TBC1D5: variants seen among roughly 807,000 people sequenced by gnomAD.
The protein encoded by TBC1D5 is TBC1 domain family member 5, also known as TBC1 domain family, member 5.
TBC1D5 carries 75 observed loss-of-function variants against 100.3 expected under a neutral mutation model. The ratio of observed to expected loss-of-function variants is 0.75; its 90% CI spans 0.62 to 0.91. TBC1D5 has a LOEUF of 0.91. TBC1D5 is among the 40% of genes least tolerant of loss of function. The pLI is 0.00. For synonymous variants in TBC1D5, 323 were observed against 325.6 expected (o/e 0.99, Z 0.09); for missense variants, 910 against 942.4 (o/e 0.97, Z 0.45).
At chr3:17,357,592 C>CA (rs200650922) in intron 13 of TBC1D5, among the ~76,000 whole-genome samples, 2,731 of 150,954 alleles carry the variant, frequency 0.018, 70 homozygotes, top group African/African-American at 0.059. Flanking sequence ...GACATCACTA[C>CA]AAAAAAAAAT....
At chr3:17,591,826 T>G (rs903626587) in intron 2 of TBC1D5, among the ~76,000 whole-genome samples, 1 of 152,146 alleles carries the variant, frequency 6.6e-6, no homozygotes, top group Non-Finnish European at 1.5e-5. Context: ...AAAAATAATA[T>G]TGAATCCTTG....
chr3:17,311,293 G>A (rs1181714254), intron 13 of TBC1D5, among the ~76,000 whole-genome samples: 1 of 151,914 alleles, frequency 6.6e-6, no homozygotes, highest in Non-Finnish European at 1.5e-5. Context: ...AGACTGCCAT[G>A]CTCATAACCA....
chr3:17,511,821 G>C (rs1012102094), intron 2 of TBC1D5, among the ~76,000 whole-genome samples: 1 of 151,934 alleles, frequency 6.6e-6, no homozygotes, highest in Non-Finnish European at 1.5e-5. Flanking sequence ...TATGCCTATA[G>C]ATTGAAAATG....
At chr3:17,687,429 T>G (rs1055114198) in intron 1 of TBC1D5, among the ~76,000 whole-genome samples, 1 of 152,168 alleles carries the variant, frequency 6.6e-6, no homozygotes, top group Non-Finnish European at 1.5e-5. Context: ...AATAATAGTA[T>G]ACTTTGTCAG....
At chr3:17,586,320 T>TA (rs2096732545) in intron 2 of TBC1D5, 1 of 152,174 alleles carries the variant, frequency 6.6e-6, no homozygotes, top group African/African-American at 2.4e-5. Flanking sequence ...TATTCTATCT[T>TA]AAAATGTATA....
chr3:17,436,336 C>A (rs1157655045), intron 3 of TBC1D5, among the ~76,000 whole-genome samples: 1 of 151,952 alleles, frequency 6.6e-6, no homozygotes, highest in African/African-American at 2.4e-5. Flanking sequence ...CAATGTAAGT[C>A]CTCAAAAAAA....
At chr3:17,199,192 T>C (rs1485554445) in intron 18 of TBC1D5, among the ~76,000 whole-genome samples, 1 of 152,162 alleles carries the variant, frequency 6.6e-6, no homozygotes, top group East Asian at 1.9e-4. Context: ...AAATCCGAAA[T>C]CAAGGGTGTC....
chr3:17,626,766 G>C (rs1299849805), intron 1 of TBC1D5, among the ~76,000 whole-genome samples: 1 of 152,152 alleles, frequency 6.6e-6, no homozygotes, highest in Non-Finnish European at 1.5e-5. Context: ...ACTGAGAAAT[G>C]AAGAAGGATA....
At chr3:17,567,744 A>G (rs182638951) in intron 2 of TBC1D5, among the ~76,000 whole-genome samples, 2 of 151,872 alleles carry the variant, frequency 1.3e-5, no homozygotes, top group Admixed American at 6.6e-5. Context: ...ACATAAATAT[A>G]AAATGTATAT....
At chr3:17,686,537 A>T (rs2070311639) in intron 1 of TBC1D5, among the ~76,000 whole-genome samples, 2 of 152,100 alleles carry the variant, frequency 1.3e-5, no homozygotes, top group African/African-American at 4.8e-5. Flanking sequence ...GTAACATTTT[A>T]CCTATTTTTC....
chr3:17,415,449 G>A (rs2094042454), intron 4 of TBC1D5, among the ~76,000 whole-genome samples: 1 of 151,622 alleles, frequency 6.6e-6, no homozygotes, highest in African/African-American at 2.4e-5. Context: ...TTCTTTAAAG[G>A]AAAAAACAAA....
intron 1 of TBC1D5, among the ~76,000 whole-genome samples, chr3:17,727,032 T>C (rs1363735055): frequency 6.6e-6 from 1 of 152,174 alleles, no homozygotes; most frequent in Non-Finnish European, 1.5e-5. Context: ...GAAATATGTA[T>C]AACGGCTGTG....
chr3:17,241,010 ATT>A (rs906902912), intron 16 of TBC1D5, among the ~76,000 whole-genome samples: 1 of 152,026 alleles, frequency 6.6e-6, no homozygotes, highest in Non-Finnish European at 1.5e-5. Context: ...TTTGTTGAAC[ATT>A]TTTTTGTGTG....
At chr3:17,175,987 G>A (rs932578921) in intron 19 of TBC1D5, among the ~76,000 whole-genome samples, 3 of 152,214 alleles carry the variant, frequency 2.0e-5, no homozygotes, top group African/African-American at 7.2e-5. Flanking sequence ...CAGACGATGA[G>A]GTAGATGGGT....
exon 20 of TBC1D5, chr3:17,167,812 C>A (rs1196832878): frequency 6.2e-7 from 1 of 1,606,704 alleles, no homozygotes; most frequent in East Asian, 2.2e-5. Flanking sequence ...CTTGTAATAT[C>A]ACATCTTGAA....
intron 3 of TBC1D5, among the ~76,000 whole-genome samples, chr3:17,437,622 T>TAG (rs58492511): frequency 0.016 from 1,807 of 115,406 alleles, 37 homozygotes; most frequent in African/African-American, 0.056. Context: ...GAGACAGAGG[T>TAG]AGAGAGAGAG....
chr3:17,657,202 AGAG>A (rs2066158418), intron 1 of TBC1D5, among the ~76,000 whole-genome samples: 2 of 152,290 alleles, frequency 1.3e-5, no homozygotes, highest in South Asian at 4.1e-4. Context: ...CTATATACAG[AGAG>A]GTAGAAACCA....
chr3:17,555,894 T>A (rs567322398), intron 2 of TBC1D5, among the ~76,000 whole-genome samples: 36 of 152,352 alleles, frequency 2.4e-4, no homozygotes, highest in Admixed American at 2.0e-3. Context: ...ATTCCTGTCA[T>A]GGCCTGAGCA....
chr3:17,166,888 C>G, exon 21 of TBC1D5: 1 of 1,613,836 alleles, frequency 6.2e-7, no homozygotes, highest in Non-Finnish European at 8.5e-7. Context: ...CTCTAGCTGG[C>G]TCTGGTTAAA....
Sources: allele counts gnomAD v4.1 joint callset (sites outside exome capture counted in the v4.1 genomes callset), GRCh38; gene constraint gnomAD v4.1.1; transcripts MANE v1.5; gene names NCBI Gene and HGNC (gene_info 2026-07-23, HGNC 2026-07-21).